Variants in MON2 observed in about 807,000 individuals in gnomAD.
The protein encoded by MON2 is MON2 regulator of endosome-to-Golgi trafficking.
Under a neutral mutation model 208.6 loss-of-function variants are expected in MON2, and 84 were observed. That is an observed-to-expected ratio of 0.40 (90% CI 0.34 to 0.48). The LOEUF (loss-of-function observed/expected upper bound fraction) is 0.48, where lower values mean the gene tolerates loss of function less well. Among genes scored for constraint, MON2 ranks in the 20% least tolerant of loss-of-function variants. MON2 has a pLI of 0.59. For missense variants in MON2, 1,611 were observed against 2,015.4 expected, an observed-to-expected ratio of 0.80 and a Z score of 3.84; for synonymous variants, 660 against 694.0, an observed-to-expected ratio of 0.95 and a Z score of 0.77.
chr12:62,545,036 A>G lies in MON2; in HGVS notation c.2577+28A>G, dbSNP rs188550557. The stretch of plus-strand genomic sequence containing the variant: ...AATAAAAACCTTACTTTTTAAAAAG[A>G]ATACTCAATATAAAATTATCCTCCT... On this transcript the variant is annotated intron_variant, in intron 21 of 34. Coordinates refer to ENST00000393630, the MANE Select transcript of MON2 (RefSeq NM_015026.3). The G allele has an allele frequency of 3.8e-5, 53 of 1,401,498 alleles. No homozygotes were observed. In the African/African-American group the frequency reaches 7.2e-4, roughly 19 times the overall value. 86.8% of individuals were successfully genotyped at this position (1,401,498 alleles called of 1,614,324 possible). A position where few individuals can be genotyped will look rare whatever the true frequency, so the allele number is the denominator to read the frequency against.
At chr12:62,487,976 A>G (rs2069895816) in intron 2 of MON2, among the ~76,000 whole-genome samples, 1 of 152,174 alleles carries the variant, frequency 6.6e-6, no homozygotes, top group African/African-American at 2.4e-5. Context: ...GGTCAGAGTC[A>G]ACATCTTATT....
intron 26 of MON2, among the ~76,000 whole-genome samples, chr12:62,562,786 T>C (rs2074245838): frequency 6.6e-6 from 1 of 152,176 alleles, no homozygotes; most frequent in African/African-American, 2.4e-5. Flanking sequence ...GTTTTCTTTC[T>C]AAAGGGGAGC....
rs1158012524 is a variant in MON2, at chr12:62,552,906, A to G, written c.2942A>G (p.Gln981Arg). ...LLWNISDYFFQRGETIEKELN... is the reference protein window; with the variant it reads ...LLWNISDYFFRRGETIEKELN... ...TGGAATATTTCAGATTATTTTTTCC[A>G]AAGAGGGGAAACTATTGAAAAAGAA... Residue 981 changes from glutamine to arginine, a missense_variant, in exon 24 of 35, where the codon CAA (glutamine) becomes CGA (arginine). Transcript: ENST00000393630. 6.2e-7 allele frequency: 1 copy of G among 1,612,368 alleles called. No homozygotes were observed. The highest frequency in any genetic ancestry group is 8.5e-7 in the Non-Finnish European group (1 of 1,178,986).
chr12:62,476,296 A>C (rs1311046878), intron 1 of MON2, among the ~76,000 whole-genome samples: 5 of 152,198 alleles, frequency 3.3e-5, no homozygotes, highest in Non-Finnish European at 7.3e-5. Context: ...TAGATGTATC[A>C]AGTACTCCCA....
At position 62,503,844 on chromosome 12, in the gene MON2, T is replaced by TA. The variant is rs142574555; in HGVS notation, c.789+2147dup. 4.4e-3 allele frequency among the ~76,000 whole-genome samples: 675 copies of TA among 152,322 alleles called. 6 individuals are homozygous for TA. The highest frequency in any genetic ancestry group is 0.015 in the African/African-American group (643 of 41,588). ...TGAGGGCTTTGCTCAATCGTCAACT[T>TA]ACCAGACACATCTTCCCCAACCACG... On this transcript the variant is annotated intron_variant, in intron 7 of 34. Transcript: ENST00000393630.
chr12:62,525,259 C>T (rs777118769), intron 10 of MON2, 39 bp downstream of exon 10: 9 of 1,603,456 alleles, frequency 5.6e-6, no homozygotes, highest in African/African-American at 5.4e-5. Flanking sequence ...TATATTCTGC[C>T]GTAAGTTACA....
chr12:62,484,125 A>G (rs754102642), intron 1 of MON2, 45 bp from the exon 2 acceptor site: 1 of 1,360,540 alleles, frequency 7.4e-7, no homozygotes, highest in Admixed American at 1.9e-5. Flanking sequence ...TAGATAATTC[A>G]TTTTGGCAGT....
At position 62,579,279 on chromosome 12, in the gene MON2, A is replaced by T. The variant is rs572077127; in HGVS notation, c.4575+774A>T. On this transcript the variant is annotated intron_variant, in intron 31 of 34. Coordinates refer to ENST00000393630, the MANE Select transcript of MON2 (RefSeq NM_015026.3). ...AAGTAAAAAAAATAAGTAAAAAAGT[A>T]AGAAATATGTTTTGAGGATTATAAA... 2.0e-5 allele frequency among the ~76,000 whole-genome samples: 3 copies of T among 152,112 alleles called. No homozygotes were observed. In the East Asian group the frequency reaches 5.8e-4, roughly 29 times the overall value.
At chr12:62,485,410 A>T (rs2069712591) in intron 2 of MON2, among the ~76,000 whole-genome samples, 3 of 152,218 alleles carry the variant, frequency 2.0e-5, no homozygotes, top group Non-Finnish European at 1.5e-5. Flanking sequence ...AATGAAATTA[A>T]GATTTTTGGG....
intron 2 of MON2, among the ~76,000 whole-genome samples, 193 bp downstream of exon 2, chr12:62,484,426 T>C (rs1226812985): frequency 6.6e-6 from 1 of 152,206 alleles, no homozygotes; most frequent in Non-Finnish European, 1.5e-5. Context: ...AGACGAATGC[T>C]ACAAAAATTC....
intron 26 of MON2, among the ~76,000 whole-genome samples, chr12:62,564,440 T>C (rs547177562): frequency 6.6e-6 from 1 of 151,966 alleles, no homozygotes; most frequent in South Asian, 2.1e-4. Flanking sequence ...AATGTTTTTC[T>C]CATGGAGAAA....
At chr12:62,531,425 C>T (rs897686329) in intron 11 of MON2, among the ~76,000 whole-genome samples, 1 of 152,248 alleles carries the variant, frequency 6.6e-6, no homozygotes, top group Non-Finnish European at 1.5e-5. Context: ...CATCACTCTT[C>T]TGCATGTGAA....
chr12:62,531,827 C>T (rs539141473), intron 11 of MON2, among the ~76,000 whole-genome samples: 46 of 151,742 alleles, frequency 3.0e-4, no homozygotes, highest in African/African-American at 9.9e-4. Flanking sequence ...TGGAGTGCAG[C>T]GGCGCAATCT....
At chr12:62,566,228 G>C in intron 28 of MON2, 94 bp from the exon 29 acceptor site, 1 of 1,483,464 alleles carries the variant, frequency 6.7e-7, no homozygotes, top group Non-Finnish European at 9.2e-7. Context: ...ACCAAGGCCT[G>C]AACTTTAAGA....
At chr12:62,547,647 A>G (rs1368331976) in intron 22 of MON2, among the ~76,000 whole-genome samples, 1 of 152,216 alleles carries the variant, frequency 6.6e-6, no homozygotes, top group African/African-American at 2.4e-5. Context: ...GTGAGAAAGT[A>G]TAGTTATACG....
intron 25 of MON2, among the ~76,000 whole-genome samples, chr12:62,558,815 G>T (rs943081814): frequency 6.6e-6 from 1 of 150,880 alleles, no homozygotes; most frequent in Non-Finnish European, 1.5e-5. Flanking sequence ...CTCTTGCCTC[G>T]GCCTCTGAGT....
Position 62,535,506 on chromosome 12 carries a change from T to C in MON2, c.1716-19T>C. Reference sequence around the variant, plus strand: ...TTAAAAATAAGTTAATCAGATTAAATAAAATACTTTCTTTTCAGCACAGAT... The same window carrying C: ...TTAAAAATAAGTTAATCAGATTAAACAAAATACTTTCTTTTCAGCACAGAT... On this transcript the variant is annotated intron_variant, in intron 13 of 34. Transcript: ENST00000393630. The C allele has an allele frequency of 1.3e-6, 2 of 1,551,624 alleles. No homozygotes were observed. Among genetic ancestry groups the C allele is most frequent in the Non-Finnish European group, 1.7e-6 (2 of 1,148,600 alleles).
intron 29 of MON2, among the ~76,000 whole-genome samples, chr12:62,570,572 A>T (rs992625364): frequency 6.6e-6 from 1 of 152,106 alleles, no homozygotes; most frequent in Non-Finnish European, 1.5e-5. Flanking sequence ...ACAAACCTAG[A>T]TGATATAGCC....
intron 1 of MON2, among the ~76,000 whole-genome samples, chr12:62,469,049 C>T (rs1006214444): frequency 3.9e-5 from 6 of 151,930 alleles, no homozygotes; most frequent in African/African-American, 1.2e-4. Context: ...AGGTGATTCT[C>T]CCACCTCAGC....
Sources: gnomAD v4.1 joint callset for allele counts (sites outside exome capture counted in the v4.1 genomes callset) on GRCh38, gnomAD v4.1.1 for gene constraint, MANE v1.5 for transcripts, NCBI Gene and HGNC (gene_info 2026-07-23, HGNC 2026-07-21) for gene names.